DYM: variants seen among roughly 807,000 people sequenced by gnomAD.
The protein encoded by DYM is dymeclin, also known as dyggve-Melchior-Clausen syndrome protein.
A neutral mutation model predicts 93.1 loss-of-function variants in DYM; 78 were observed. That is an observed-to-expected ratio of 0.84 (90% CI 0.70 to 1.01). DYM has a LOEUF of 1.01. Ranked by LOEUF, DYM falls within the 50% of genes least tolerant of loss-of-function variation. The pLI is 0.00. For synonymous variants in DYM, 321 were observed against 319.7 expected, an observed-to-expected ratio of 1.00 and a Z score of -0.04; for missense variants, 789 against 845.0, an observed-to-expected ratio of 0.93 and a Z score of 0.82.
chr18:49,061,771 G>C (rs2144657419), intron 17 of DYM, among the ~76,000 whole-genome samples: 1 of 152,332 alleles, frequency 6.6e-6, no homozygotes, highest in Admixed American at 6.5e-5. Flanking sequence ...TCCCCAGAAA[G>C]GGAAGGAAAT....
rs181518743 is a variant in DYM, at chr18:49,147,983, C to T, written c.1728+15702G>A. On this transcript the variant is annotated intron_variant, in intron 15 of 17. Coordinates refer to ENST00000675505, the MANE Select transcript of DYM (RefSeq NM_001353214.3). ...GATAGACCGGATTAAGAAAATGTGG[C>T]ACATATACACCATGGAATACTCTGC... Among the ~76,000 whole-genome samples, 212 of 152,278 alleles carry T rather than the reference C, an allele frequency of 1.4e-3. 1 individual carries two copies. Among genetic ancestry groups the T allele is most frequent in the African/African-American group, 5.0e-3 (208 of 41,552 alleles).
At chr18:49,340,251 C>T (rs1186519671) in intron 6 of DYM, among the ~76,000 whole-genome samples, 1 of 151,974 alleles carries the variant, frequency 6.6e-6, no homozygotes, top group African/African-American at 2.4e-5. Flanking sequence ...TGCACCCGGC[C>T]CACGTGGAGA....
chr18:49,115,361 A>T (rs2145922278), intron 16 of DYM, among the ~76,000 whole-genome samples: 1 of 152,352 alleles, frequency 6.6e-6, no homozygotes, highest in East Asian at 1.9e-4. Context: ...CAAAGAAAAT[A>T]TTGCCTATCA....
At chr18:49,216,183 G>A (rs192398548) in intron 13 of DYM, among the ~76,000 whole-genome samples, 6,289 of 152,314 alleles carry the variant, frequency 0.041, 170 homozygotes, top group Non-Finnish European at 0.061. Flanking sequence ...CTGCAAGGTG[G>A]CAGCGAGGCT....
chr18:49,317,173 A>G (rs2061998413), intron 8 of DYM, among the ~76,000 whole-genome samples: 1 of 152,220 alleles, frequency 6.6e-6, no homozygotes, highest in African/African-American at 2.4e-5. Flanking sequence ...GACTGTATGT[A>G]TTTTCCACTC....
chr18:49,334,682 T>C (rs939304154), intron 6 of DYM, among the ~76,000 whole-genome samples: 3 of 152,108 alleles, frequency 2.0e-5, no homozygotes, highest in African/African-American at 4.8e-5. Flanking sequence ...GAAATAATTA[T>C]GAAAAACAAA....
chr18:49,221,405 G>A (rs940694667), intron 13 of DYM, among the ~76,000 whole-genome samples: 3 of 151,790 alleles, frequency 2.0e-5, no homozygotes, highest in African/African-American at 7.3e-5. Flanking sequence ...CACATTACTG[G>A]GTATATACCC....
chr18:49,423,109 T>C (rs150006715), intron 2 of DYM, among the ~76,000 whole-genome samples: 1,683 of 152,264 alleles, frequency 0.011, 30 homozygotes, highest in African/African-American at 0.039. Context: ...CAGCACCACA[T>C]AGCACTTATT....
chr18:49,129,727 C>G (rs963287915), intron 15 of DYM, among the ~76,000 whole-genome samples: 2 of 152,172 alleles, frequency 1.3e-5, no homozygotes, highest in African/African-American at 2.4e-5. Context: ...ACTGCTCAAG[C>G]TTGCAGGAGG....
intron 15 of DYM, among the ~76,000 whole-genome samples, chr18:49,124,972 T>A (rs959310346): frequency 6.6e-6 from 1 of 152,184 alleles, no homozygotes; most frequent in African/African-American, 2.4e-5. Context: ...TCTAAATAAG[T>A]TATTAGGCCA....
intron 2 of DYM, among the ~76,000 whole-genome samples, chr18:49,425,994 C>T (rs2074246014): frequency 1.3e-5 from 2 of 152,010 alleles, no homozygotes; most frequent in Non-Finnish European, 2.9e-5. Flanking sequence ...GTGGCGATTC[C>T]TCAGGGATCT....
chr18:49,266,501 C>T lies in DYM; in HGVS notation c.1251+5677G>A, dbSNP rs2094572376. 3.3e-5 allele frequency among the ~76,000 whole-genome samples: 5 copies of T among 152,170 alleles called. No individual in the cohort carries two copies. The South Asian group carries it at 1.0e-3, about 32-fold the overall frequency. On this transcript the variant is annotated intron_variant, in intron 11 of 17. Transcript: ENST00000675505. The stretch of plus-strand genomic sequence containing the variant: ...TGGCATGCACCTGCAGTCCCAGCTA[C>T]TCAGGAAGCTGAGGTAGGAGGATCA...
chr18:49,333,845 G>C lies in DYM; in HGVS notation c.503C>G (p.Thr168Arg). 1.2e-6 allele frequency: 2 copies of C among 1,609,290 alleles called. No individual in the cohort carries two copies. Among genetic ancestry groups the C allele is most frequent in the Non-Finnish European group, 1.7e-6 (2 of 1,176,498 alleles). Residue 168 changes from threonine (T) to arginine (R), a missense_variant, in exon 7 of 18, where the codon ACA (threonine) becomes AGA (arginine). Thr to Arg is a moderately conservative substitution (Grantham distance 71). Coordinates refer to ENST00000675505, the MANE Select transcript of DYM (RefSeq NM_001353214.3). ...TATAGCTTCTACTGATATTTCATAT[G>C]TAATATCTCTAAAATGGAAGAAAAA... ...LITDIPLLDITYEISVEAIST... is the reference protein window; with the variant it reads ...LITDIPLLDIRYEISVEAIST...
At chr18:49,136,907 G>C (rs1199173068) in intron 15 of DYM, among the ~76,000 whole-genome samples, 1 of 152,048 alleles carries the variant, frequency 6.6e-6, no homozygotes. Context: ...TTTGTTAAGA[G>C]GAAGACACAG....
chr18:49,216,228 T>C (rs2093036170), intron 13 of DYM, among the ~76,000 whole-genome samples: 1 of 152,070 alleles, frequency 6.6e-6, no homozygotes, highest in South Asian at 2.1e-4. Flanking sequence ...CAGGCTTTCT[T>C]AGGTAAATAA....
At chr18:49,195,644 C>G (rs149395502) in intron 14 of DYM, among the ~76,000 whole-genome samples, 11 of 152,174 alleles carry the variant, frequency 7.2e-5, no homozygotes, top group African/African-American at 2.7e-4. Flanking sequence ...ACTATAGATA[C>G]AACCACAAGA....
chr18:49,219,153 T>G (rs2143954163), intron 13 of DYM, among the ~76,000 whole-genome samples: 2 of 152,248 alleles, frequency 1.3e-5, no homozygotes, highest in South Asian at 4.1e-4. Context: ...CTAGAAAATC[T>G]AGAAGAAATG....
intron 8 of DYM, among the ~76,000 whole-genome samples, chr18:49,318,262 T>C (rs2062164371): frequency 1.3e-5 from 2 of 152,086 alleles, no homozygotes; most frequent in South Asian, 4.1e-4. Context: ...TGAAGAAGGA[T>C]CCGAACAATA....
At chr18:49,236,865 G>A (rs2093882977) in intron 13 of DYM, among the ~76,000 whole-genome samples, 1 of 152,146 alleles carries the variant, frequency 6.6e-6, no homozygotes, top group Non-Finnish European at 1.5e-5. Flanking sequence ...ACTTAGCAAG[G>A]TGAACCAAGG....
Sources: gnomAD v4.1 joint callset for allele counts (sites outside exome capture counted in the v4.1 genomes callset) on GRCh38, gnomAD v4.1.1 for gene constraint, MANE v1.5 for transcripts, NCBI Gene and HGNC (gene_info 2026-07-23, HGNC 2026-07-21) for gene names.